The following VPS41 variants were observed in gnomAD, a reference collection of about 807,000 sequenced individuals.
The protein encoded by VPS41 is vacuolar protein sorting-associated protein 41 homolog.
VPS41 carries 85 observed loss-of-function variants against 130.9 expected under a neutral mutation model. The ratio of observed to expected loss-of-function variants is 0.65; its 90% CI spans 0.55 to 0.78. The LOEUF (loss-of-function observed/expected upper bound fraction) is 0.78. Ranked by LOEUF, VPS41 falls within the 30% of genes least tolerant of loss-of-function variation. VPS41 has a pLI of 0.00. For missense variants in VPS41, 874 were observed against 1,018.7 expected, an observed-to-expected ratio of 0.86 and a Z score of 1.93; for synonymous variants, 335 against 332.9, an observed-to-expected ratio of 1.01 and a Z score of -0.07.
intron 2 of VPS41, among the ~76,000 whole-genome samples, chr7:38,881,663 A>G (rs572119212): frequency 2.0e-3 from 303 of 152,348 alleles, no homozygotes; most frequent in African/African-American, 7.0e-3. Flanking sequence ...AGGACACGGC[A>G]TGGGATAAAA....
chr7:38,777,999 T>C (rs1321908919), intron 10 of VPS41, among the ~76,000 whole-genome samples: 1 of 152,230 alleles, frequency 6.6e-6, no homozygotes, highest in Non-Finnish European at 1.5e-5. Flanking sequence ...CTGCTGACCT[T>C]TAATGATCCT....
intron 2 of VPS41, among the ~76,000 whole-genome samples, chr7:38,886,511 C>T (rs1412430265): frequency 6.6e-6 from 1 of 152,214 alleles, no homozygotes; most frequent in African/African-American, 2.4e-5. Context: ...AACAAAGTGG[C>T]AGGGAAGCTC....
At chr7:38,775,115 T>C (rs1358341988) in intron 11 of VPS41, 3 of 152,140 alleles carry the variant, frequency 2.0e-5, no homozygotes, top group Admixed American at 1.3e-4. Context: ...TACTGAATGA[T>C]ATAAAACAAA....
intron 5 of VPS41, 138 bp from the exon 6 acceptor site, chr7:38,821,403 A>G (rs572757097): frequency 8.0e-6 from 5 of 626,002 alleles, no homozygotes; most frequent in South Asian, 4.3e-5. Flanking sequence ...TTAAATATCT[A>G]ATGAAAACAA....
chr7:38,743,565 AAAG>A, intron 23 of VPS41, 23 bp from the exon 24 acceptor site: 1 of 1,609,002 alleles, frequency 6.2e-7, no homozygotes, highest in East Asian at 2.2e-5. Flanking sequence ...AAGATGGGAG[AAAG>A]AGTTCATTTA....
intron 27 of VPS41, among the ~76,000 whole-genome samples, chr7:38,728,082 AT>A (rs897414532): frequency 9.9e-5 from 15 of 151,946 alleles, no homozygotes; most frequent in African/African-American, 2.7e-4. Context: ...CTACCTATAA[AT>A]TTTTTTTCCC....
At chr7:38,818,249 C>CA (rs11421525) in intron 6 of VPS41, among the ~76,000 whole-genome samples, 54,166 of 129,962 alleles carry the variant, frequency 0.42, 10,189 homozygotes, top group East Asian at 0.68. Flanking sequence ...GAAAACAAAA[C>CA]AAAAAAAAAA....
At chr7:38,822,721 G>A (rs200307546) in intron 5 of VPS41, among the ~76,000 whole-genome samples, 3 of 152,298 alleles carry the variant, frequency 2.0e-5, no homozygotes, top group South Asian at 4.1e-4. Context: ...CATAGGTTAT[G>A]TGCATGTTCA....
intron 17 of VPS41, among the ~76,000 whole-genome samples, chr7:38,759,123 T>A (rs980338054): frequency 1.3e-5 from 2 of 152,250 alleles, no homozygotes; most frequent in Non-Finnish European, 2.9e-5. Context: ...CAGTTTATAG[T>A]TGACCAGTCG....
intron 9 of VPS41, 25 bp downstream of exon 9, chr7:38,795,440 T>A: frequency 6.2e-7 from 1 of 1,603,602 alleles, no homozygotes; most frequent in South Asian, 1.1e-5. Context: ...CAACACGGAC[T>A]TATTATAAAG....
chr7:38,818,847 G>A (rs1217618291), intron 6 of VPS41, among the ~76,000 whole-genome samples: 1 of 152,170 alleles, frequency 6.6e-6, no homozygotes, highest in Admixed American at 6.5e-5. Context: ...TTTTATACTT[G>A]TATTAATTGA....
Position 38,889,109 on chromosome 7 carries a change from A to T in VPS41, c.60+8982T>A, listed in dbSNP as rs936480736. ...AACCCAGAACTTAAAGTATAATTTAAAAAAAAAAAAATGAAGAGTCTCAGG... is the reference window on the plus strand; with the variant it reads ...AACCCAGAACTTAAAGTATAATTTATAAAAAAAAAAATGAAGAGTCTCAGG... On this transcript the variant is annotated intron_variant, in intron 2 of 28. Transcript: ENST00000310301. 1.6e-3 allele frequency among the ~76,000 whole-genome samples: 4 copies of T among 2,536 alleles called. No homozygotes were observed. In the East Asian group the frequency reaches 0.25, roughly 158 times the overall value. The allele number at this position is 2,536 out of a possible 152,430, so 1.7% of individuals were successfully genotyped here.
At chr7:38,803,307 T>C (rs554967528) in intron 7 of VPS41, among the ~76,000 whole-genome samples, 2 of 152,338 alleles carry the variant, frequency 1.3e-5, no homozygotes, top group Non-Finnish European at 2.9e-5. Context: ...TTAATCACCT[T>C]GTGATCTTTC....
At chr7:38,745,422 T>C (rs944932607) in intron 23 of VPS41, 137 bp downstream of exon 23, 21 of 702,996 alleles carry the variant, frequency 3.0e-5, no homozygotes, top group Admixed American at 7.5e-5. Flanking sequence ...CTGTTTCATA[T>C]ATTAAATTAT....
intron 14 of VPS41, among the ~76,000 whole-genome samples, chr7:38,768,681 T>C (rs1784096145): frequency 6.6e-6 from 1 of 151,944 alleles, no homozygotes; most frequent in Admixed American, 6.6e-5. Context: ...CACGTAACAA[T>C]TCTACACAGG....
intron 7 of VPS41, among the ~76,000 whole-genome samples, chr7:38,808,361 T>A (rs1051017463): frequency 6.6e-6 from 1 of 152,210 alleles, no homozygotes; most frequent in African/African-American, 2.4e-5. Context: ...GTTTTTCATA[T>A]CTAAAAAAAT....
chr7:38,907,079 A>G (rs913912616), intron 1 of VPS41, among the ~76,000 whole-genome samples: 20 of 69,082 alleles, frequency 2.9e-4, no homozygotes, highest in Non-Finnish European at 5.5e-4. Flanking sequence ...ATATACAGGG[A>G]AAAAAAAAAA....
At chr7:38,791,156 C>A (rs779873653) in intron 9 of VPS41, among the ~76,000 whole-genome samples, 3 of 152,100 alleles carry the variant, frequency 2.0e-5, no homozygotes, top group Non-Finnish European at 4.4e-5. Context: ...GTCTCTTGTC[C>A]GTTTCATATA....
intron 25 of VPS41, among the ~76,000 whole-genome samples, chr7:38,739,847 T>C (rs1795848523): frequency 6.6e-6 from 1 of 152,210 alleles, no homozygotes; most frequent in African/African-American, 2.4e-5. Context: ...TACTTACATA[T>C]CTTAAGGAAA....
Sources: gnomAD v4.1 joint callset for allele counts (sites outside exome capture counted in the v4.1 genomes callset) on GRCh38, gnomAD v4.1.1 for gene constraint, MANE v1.5 for transcripts, NCBI Gene and HGNC (gene_info 2026-07-23, HGNC 2026-07-21) for gene names.